The following CSMD1 variants were observed in gnomAD, a reference collection of about 807,000 sequenced individuals.
CSMD1 encodes the protein CUB and Sushi multiple domains 1, also known as CUB and sushi domain-containing protein 1.
CSMD1 carries 213 observed loss-of-function variants against 417.5 expected under a neutral mutation model. The ratio of observed to expected loss-of-function variants is 0.51; its 90% CI spans 0.46 to 0.57. The LOEUF is 0.57. Among genes scored for constraint, CSMD1 ranks in the 20% least tolerant of loss-of-function variants. CSMD1 has a pLI of 0.00. For missense variants in CSMD1, 6,923 were observed against 4,529.7 expected, an observed-to-expected ratio of 1.53 and a Z score of -15.17; for synonymous variants, 2,862 against 1,736.8, an observed-to-expected ratio of 1.65 and a Z score of -16.11.
Position 2,966,682 on chromosome 8 carries a change from C to A in CSMD1, c.8988G>T (p.Leu2996=). Residue 2996 remains leucine, a synonymous_variant, in exon 58 of 70, where the codon CTG becomes CTT. Transcript: ENST00000635120. ...NGMIVSSDGI[L]FSSSVIYACW... Reference sequence around the variant, plus strand: ...AGGCATAGATGACCGAGCTGGAGAACAGAATGCCATCACTACTGACAATCA... The same window carrying A: ...AGGCATAGATGACCGAGCTGGAGAAAAGAATGCCATCACTACTGACAATCA... 6.2e-7 allele frequency: 1 copy of A among 1,613,820 alleles called. No individual in the cohort carries two copies. Among genetic ancestry groups the A allele is most frequent in the Non-Finnish European group, 8.5e-7 (1 of 1,179,842 alleles).
At chr8:3,309,346 A>T (rs1399162036) in intron 23 of CSMD1, among the ~76,000 whole-genome samples, 2 of 57,280 alleles carry the variant, frequency 3.5e-5, no homozygotes, top group African/African-American at 1.2e-4. Flanking sequence ...GGCGCTCCTG[A>T]ATTACTGCCG....
chr8:3,796,313 AGATATC>A (rs1185639439), intron 5 of CSMD1, among the ~76,000 whole-genome samples: 1 of 85,460 alleles, frequency 1.2e-5, no homozygotes, highest in Non-Finnish European at 2.2e-5. Context: ...GTATAGATAT[AGATATC>A]TATCATGTAT....
intron 6 of CSMD1, among the ~76,000 whole-genome samples, chr8:3,752,155 T>C (rs1302355968): frequency 6.6e-6 from 1 of 152,086 alleles, no homozygotes; most frequent in East Asian, 1.9e-4. Context: ...CCACAGTATA[T>C]GGCAGTCACA....
chr8:3,950,591 T>C (rs1451565758), intron 5 of CSMD1, among the ~76,000 whole-genome samples: 2 of 152,170 alleles, frequency 1.3e-5, no homozygotes, highest in East Asian at 1.9e-4. Context: ...GCGTGAAATA[T>C]GAAACCACCA....
intron 3 of CSMD1, among the ~76,000 whole-genome samples, chr8:4,120,922 T>C (rs889803904): frequency 1.3e-5 from 2 of 152,168 alleles, no homozygotes; most frequent in Non-Finnish European, 2.9e-5. Flanking sequence ...TCTGTTCCTA[T>C]GTGCCTGAAA....
At chr8:4,252,668 T>C (rs1803158548) in intron 3 of CSMD1, among the ~76,000 whole-genome samples, 1 of 152,240 alleles carries the variant, frequency 6.6e-6, no homozygotes, top group Admixed American at 6.5e-5. Flanking sequence ...AACAGGCTTT[T>C]ATGTGGAGTT....
At chr8:4,489,555 G>C (rs1341729615) in intron 2 of CSMD1, among the ~76,000 whole-genome samples, 2 of 152,204 alleles carry the variant, frequency 1.3e-5, no homozygotes, top group Non-Finnish European at 2.9e-5. Flanking sequence ...GACAGGCTAT[G>C]AAGGTGCCAC....
chr8:4,133,736 GTT>G (rs202238657), intron 3 of CSMD1, among the ~76,000 whole-genome samples: 1 of 151,906 alleles, frequency 6.6e-6, no homozygotes, highest in African/African-American at 2.4e-5. Context: ...TATGGTTATG[GTT>G]TTTTTTATTA....
chr8:4,625,971 G>A (rs551078648), intron 2 of CSMD1, among the ~76,000 whole-genome samples: 1 of 152,172 alleles, frequency 6.6e-6, no homozygotes, highest in Middle Eastern at 3.4e-3. Context: ...TGATCTGCCC[G>A]CCTTGGTCTC....
chr8:4,423,327 A>G (rs1051595122), intron 2 of CSMD1, among the ~76,000 whole-genome samples: 5 of 152,116 alleles, frequency 3.3e-5, no homozygotes, highest in South Asian at 2.1e-4. Context: ...AATCTACAAG[A>G]AAATTTGTAG....
chr8:3,616,920 G>A (rs1802168930), intron 7 of CSMD1, 123 bp from the exon 8 acceptor site: 1 of 581,568 alleles, frequency 1.7e-6, no homozygotes, highest in East Asian at 2.9e-5. Flanking sequence ...ATCTCCAAAG[G>A]AATTAAGACA....
At chr8:3,505,530 A>G (rs2117366110) in intron 10 of CSMD1, among the ~76,000 whole-genome samples, 1 of 152,346 alleles carries the variant, frequency 6.6e-6, no homozygotes. Flanking sequence ...ATAAAGCTGT[A>G]TGACAATAAT....
chr8:4,773,589 C>G (rs949836864), intron 1 of CSMD1, among the ~76,000 whole-genome samples: 1 of 152,126 alleles, frequency 6.6e-6, no homozygotes, highest in Non-Finnish European at 1.5e-5. Context: ...TCGTCTATAT[C>G]AGGATACCAA....
chr8:4,150,117 C>T (rs1426536474), intron 3 of CSMD1, among the ~76,000 whole-genome samples: 3 of 152,136 alleles, frequency 2.0e-5, no homozygotes, highest in Non-Finnish European at 4.4e-5. Context: ...GTATTTTCCA[C>T]ATTGTGTATT....
At chr8:3,646,901 G>T (rs900613637) in intron 7 of CSMD1, among the ~76,000 whole-genome samples, 1 of 152,112 alleles carries the variant, frequency 6.6e-6, no homozygotes, top group African/African-American at 2.4e-5. Context: ...TTGATGAGTA[G>T]GCTTAGGTAG....
chr8:4,119,816 G>C (rs187163754), intron 3 of CSMD1, among the ~76,000 whole-genome samples: 1 of 152,192 alleles, frequency 6.6e-6, no homozygotes, highest in Admixed American at 6.5e-5. Flanking sequence ...TGCAATTTAT[G>C]ATTTTAAAAC....
intron 3 of CSMD1, among the ~76,000 whole-genome samples, chr8:4,057,716 T>C (rs1343905158): frequency 6.6e-6 from 1 of 151,848 alleles, no homozygotes; most frequent in Admixed American, 6.6e-5. Flanking sequence ...CTGTACAAGG[T>C]GTAAGGAAGG....
chr8:4,836,850 C>T (rs1249809968), intron 1 of CSMD1, among the ~76,000 whole-genome samples: 1 of 151,944 alleles, frequency 6.6e-6, no homozygotes, highest in East Asian at 1.9e-4. Flanking sequence ...GACGCTGTCT[C>T]CAAAGAAATG....
intron 25 of CSMD1, among the ~76,000 whole-genome samples, chr8:3,305,803 C>CCGAGTAGCTGGGACTA (rs1362088265): frequency 6.6e-6 from 1 of 152,158 alleles, no homozygotes; most frequent in Non-Finnish European, 1.5e-5. Context: ...CCTCAGCCTC[C>CCGAGTAGCTGGGACTA]CGAGTAGCTG....
Sources: gnomAD v4.1 joint callset for allele counts (sites outside exome capture counted in the v4.1 genomes callset) on GRCh38, gnomAD v4.1.1 for gene constraint, MANE v1.5 for transcripts, NCBI Gene and HGNC (gene_info 2026-07-23, HGNC 2026-07-21) for gene names.